MID1: variants seen among roughly 807,000 people sequenced by gnomAD.
MID1 encodes E3 ubiquitin-protein ligase Midline-1.
MID1 carries 7 observed loss-of-function variants against 40.4 expected under a neutral mutation model. That is an observed-to-expected ratio of 0.17 (90% confidence interval 0.10 to 0.33). The LOEUF is 0.33. MID1 is among the 10% of genes least tolerant of loss of function. The probability of loss-of-function intolerance (pLI) is 1.00; values close to 1 mark genes in which losing one functional copy is unlikely to be tolerated. For missense variants in MID1, 367 were observed against 558.5 expected, an observed-to-expected ratio of 0.66 and a Z score of 3.46; for synonymous variants, 229 against 221.2, an observed-to-expected ratio of 1.04 and a Z score of -0.31.
intron 1 of MID1, among the ~76,000 whole-genome samples, chrX:10,736,564 C>T (rs997363120): frequency 8.9e-6 from 1 of 111,826 alleles, no homozygotes; most frequent in Non-Finnish European, 1.9e-5. Flanking sequence ...TGTCTTCAGC[C>T]CTTGGATACA....
Position 10,781,459 on chromosome X carries a change from A to G in MID1, c.-187+52095T>C, listed in dbSNP as rs140986049. Among the ~76,000 whole-genome samples, 449 of 112,182 alleles carry G rather than the reference A, an allele frequency of 4.0e-3. 4 individuals are homozygous for G. Among genetic ancestry groups the G allele is most frequent in the African/African-American group, 0.014 (428 of 30,886 alleles). On this transcript the variant is annotated intron_variant, in intron 1 of 10. Transcript: ENST00000380785. Reference sequence around the variant, plus strand: ...GATAAATGTGTTATGGATATTGAACACGAAAGAAAAACAGCAAATTCATTT... The same window carrying G: ...GATAAATGTGTTATGGATATTGAACGCGAAAGAAAAACAGCAAATTCATTT...
chrX:10,465,365 G>A (rs188719145), intron 7 of MID1, among the ~76,000 whole-genome samples: 307 of 106,982 alleles, frequency 2.9e-3, no homozygotes, highest in African/African-American at 9.9e-3. Flanking sequence ...CCAACTCCCT[G>A]GTATTCATAA....
intron 3 of MID1, among the ~76,000 whole-genome samples, chrX:10,516,629 T>C (rs1932460996): frequency 9.5e-6 from 1 of 105,569 alleles, no homozygotes; most frequent in African/African-American, 3.5e-5. Flanking sequence ...CACGCGTGTG[T>C]TTTAAGAGAC....
intron 1 of MID1, among the ~76,000 whole-genome samples, chrX:10,820,071 C>A (rs2044164607): frequency 1.8e-5 from 2 of 111,998 alleles, no homozygotes; most frequent in South Asian, 7.5e-4. Context: ...CCCTCACTTA[C>A]CCTAACAGTT....
intron 1 of MID1, among the ~76,000 whole-genome samples, chrX:10,765,880 GAAAGAAAGAAAGA>G (rs751781203): frequency 4.0e-5 from 3 of 75,116 alleles, no homozygotes; most frequent in Non-Finnish European, 5.5e-5. Context: ...AAGACAAAAA[GAAAGAAAGAAAGA>G]AAAGAAAGAA....
intron 1 of MID1, among the ~76,000 whole-genome samples, chrX:10,715,100 C>T (rs181582745): frequency 2.7e-5 from 3 of 112,226 alleles, no homozygotes; most frequent in African/African-American, 9.7e-5. Flanking sequence ...CAGCTCCAGT[C>T]TACAGCTCCC....
chrX:10,730,635 G>A (rs891639959), intron 1 of MID1, among the ~76,000 whole-genome samples: 6 of 98,654 alleles, frequency 6.1e-5, no homozygotes, highest in Non-Finnish European at 1.2e-4. Flanking sequence ...GCAGTGGCAC[G>A]ATCTCGGCTC....
At position 10,595,321 on chromosome X, in the gene MID1, A is replaced by C. The variant is rs943368626; in HGVS notation, c.-57+24969T>G. Among the ~76,000 whole-genome samples, 9 of 111,833 alleles carry C rather than the reference A, an allele frequency of 8.0e-5. No homozygotes were observed. In the East Asian group the frequency reaches 2.5e-3, roughly 31 times the overall value. On this transcript the variant is annotated intron_variant, in intron 1 of 9. Coordinates refer to ENST00000317552, the MANE Select transcript of MID1 (RefSeq NM_000381.4). The stretch of plus-strand genomic sequence containing the variant: ...GCCTAAGTGCCCATCTACAGACAAA[A>C]GGATAAAGAAAATATATTTCTTTAT...
chrX:10,683,178 G>T (rs1194165380), intron 1 of MID1, among the ~76,000 whole-genome samples: 1 of 111,737 alleles, frequency 8.9e-6, no homozygotes, highest in East Asian at 2.8e-4. Context: ...AGAATGCTTG[G>T]ATGAACTCAG....
chrX:10,828,777 C>A (rs1400194045), intron 1 of MID1, among the ~76,000 whole-genome samples: 3 of 112,199 alleles, frequency 2.7e-5, no homozygotes, highest in Non-Finnish European at 5.6e-5. Flanking sequence ...CTTCTTCAAC[C>A]CCTGAATTGT....
At chrX:10,753,566 C>CA (rs1555921081) in intron 1 of MID1, among the ~76,000 whole-genome samples, 1 of 105,815 alleles carries the variant, frequency 9.5e-6, no homozygotes, top group African/African-American at 3.5e-5. Flanking sequence ...GTGCACACTT[C>CA]AAAAAAAAAA....
In MID1 at chrX:10,459,722, G is replaced by C. The variant is rs779635382; in HGVS notation, c.1371C>G (p.Thr457=). 1.7e-6 allele frequency: 2 copies of C among 1,211,183 alleles called. No individual in the cohort carries two copies. Among genetic ancestry groups the C allele is most frequent in the Non-Finnish European group, 2.2e-6 (2 of 895,077 alleles). Residue 457 remains threonine (T), a synonymous_variant, in exon 8 of 10, where the codon ACC becomes ACG. Coordinates refer to ENST00000317552, the MANE Select transcript of MID1 (RefSeq NM_000381.4). ...TGGCCTTGACCATGAAGATGTACTT[G>C]GTGCCGCTCTGCAGACCGTGCACCG... ...HYTVHGLQSG[T]KYIFMVKAIN... is the part of the protein sequence containing the mutation.
intron 1 of MID1, among the ~76,000 whole-genome samples, chrX:10,727,605 TG>T (rs1214664482): frequency 3.6e-5 from 4 of 111,871 alleles, no homozygotes; most frequent in Non-Finnish European, 7.5e-5. Flanking sequence ...TCTCAAAGTG[TG>T]GTCCCTGAAC....
At chrX:10,676,764 G>A (rs758221785) in intron 1 of MID1, among the ~76,000 whole-genome samples, 54 of 111,499 alleles carry the variant, frequency 4.8e-4, no homozygotes, top group African/African-American at 1.7e-3. Flanking sequence ...GGTGTTTGCT[G>A]GCATTCATTC....
chrX:10,677,787 G>A (rs1602512134), intron 1 of MID1: 1 of 111,256 alleles, frequency 9.0e-6, no homozygotes, highest in East Asian at 2.9e-4. Context: ...AATGCAATCT[G>A]TGACATCACA....
At chrX:10,747,544 A>G (rs962282167) in intron 1 of MID1, among the ~76,000 whole-genome samples, 4 of 112,302 alleles carry the variant, frequency 3.6e-5, no homozygotes, top group Non-Finnish European at 7.5e-5. Flanking sequence ...TTAGAAGTCT[A>G]TTTGGTTTGA....
intron 1 of MID1, among the ~76,000 whole-genome samples, chrX:10,662,965 T>A (rs1602503139): frequency 8.9e-6 from 1 of 112,185 alleles, no homozygotes; most frequent in Non-Finnish European, 1.9e-5. Flanking sequence ...TTGTATAATA[T>A]CTGAAACAGT....
At chrX:10,611,180 C>T (rs1203680428) in intron 1 of MID1, among the ~76,000 whole-genome samples, 2 of 111,968 alleles carry the variant, frequency 1.8e-5, no homozygotes, top group Non-Finnish European at 3.8e-5. Flanking sequence ...AAAAAGCGTT[C>T]AAGGTCTTTT....
At chrX:10,795,084 G>A (rs1335728882) in intron 1 of MID1, among the ~76,000 whole-genome samples, 1 of 111,191 alleles carries the variant, frequency 9.0e-6, no homozygotes, top group Non-Finnish European at 1.9e-5. Context: ...GTAGGATGTT[G>A]AGCAGTATTA....
Sources: allele counts gnomAD v4.1 joint callset (sites outside exome capture counted in the v4.1 genomes callset), GRCh38; gene constraint gnomAD v4.1.1; transcripts MANE v1.5; gene names NCBI Gene and HGNC (gene_info 2026-07-23, HGNC 2026-07-21).